The following HOXA7 variants were observed in gnomAD, a reference collection of about 807,000 sequenced individuals.
The protein encoded by HOXA7 is homeobox A7, also known as homeobox protein Hox-A7.
HOXA7 carries 16 observed loss-of-function variants against 16.8 expected under a neutral mutation model. That is an observed-to-expected ratio of 0.95 (90% CI 0.64 to 1.44). The LOEUF is 1.44. Ranked by LOEUF, HOXA7 falls within the 40% of genes most tolerant of loss-of-function variation. The probability of loss-of-function intolerance (pLI) is 0.00; values close to 1 mark genes in which losing one functional copy is unlikely to be tolerated. For missense variants in HOXA7, 379 were observed against 328.6 expected (o/e 1.15, Z -1.19); for synonymous variants, 169 against 144.3 (o/e 1.17, Z -1.23).
At position 27,156,623 on chromosome 7, in the gene HOXA7, AC is replaced by A; in HGVS notation, c.-79del. On this transcript the variant is annotated 5_prime_UTR_variant, in exon 1 of 2. The change abolishes the stop of an existing upstream ORF in the 5' untranslated region. Transcript: ENST00000242159. ...GTAGAGTGATATATGATAACATTAC[AC>A]CCCCAGATTTACACCAAACCCCATT... 6.9e-7 allele frequency: 1 copy of A among 1,438,866 alleles called. No individual in the cohort carries two copies. The highest frequency in any genetic ancestry group is 1.4e-5 in the South Asian group (1 of 72,272). The allele number at this position is 1,438,866 out of a possible 1,614,324, so 89.1% of individuals were successfully genotyped here.
rs779567620 is a variant in HOXA7 at position 27,156,184 on chromosome 7, G to T, written c.362C>A (p.Pro121His). The change falls in exon 1 of 2, where the codon CCC (proline) becomes CAC (histidine). Residue 121 changes from proline to histidine, a missense_variant. Coordinates refer to ENST00000242159, the MANE Select transcript of HOXA7 (RefSeq NM_006896.4). ...GAAEANFRIYPWMRSSGPDRK... is the reference protein window; with the variant it reads ...GAAEANFRIYHWMRSSGPDRK... ...GCGCCTACCTGAAGACCGCATCCAGGGGTAGATGCGGAAATTGGCCTCAGC... is the reference window on the plus strand; with the variant it reads ...GCGCCTACCTGAAGACCGCATCCAGTGGTAGATGCGGAAATTGGCCTCAGC... 1 of 1,577,074 alleles carries T rather than the reference G, an allele frequency of 6.3e-7. No homozygotes were observed.
Position 27,154,937 on chromosome 7 carries a change from T to C in HOXA7, c.665A>G (p.Asp222Gly). 6.2e-7 allele frequency: 1 copy of C among 1,612,050 alleles called. No homozygotes were observed. The highest frequency in any genetic ancestry group is 8.5e-7 in the Non-Finnish European group (1 of 1,178,430). The part of the protein sequence containing the change: ...AADKADEEDD[D>G]EEEEDEEE ...TTCCTCCTCGTCTTCCTCTTCTTCA[T>C]CATCGTCCTCCTCGTCGGCCTTGTC... Residue 222 changes from aspartate (D) to glycine (G), a missense_variant, in exon 2 of 2, where the codon GAT becomes GGT. Transcript: ENST00000242159.
In HOXA7 at chr7:27,154,987, G is replaced by GGGCAGGC. The variant is rs1783079021; in HGVS notation, c.614_615insGCCTGCC (p.Ser206ProfsTer19). The GGGCAGGC allele has an allele frequency of 6.2e-7, 1 of 1,613,684 alleles. No homozygotes were observed. The highest frequency in any genetic ancestry group is 8.5e-7 in the Non-Finnish European group (1 of 1,179,726). The stretch of plus-strand genomic sequence containing the variant: ...CCGCGGCAGCAGTGGCGGCGGCAGA[G>GGGCAGGC]GGCACGGCGCCCTCGGGAGCTGCGG... On this transcript the variant is annotated frameshift_variant, in exon 2 of 2. Coordinates refer to ENST00000242159, the MANE Select transcript of HOXA7 (RefSeq NM_006896.4). LOFTEE classifies it low-confidence loss of function (END_TRUNC).
At position 27,156,356 on chromosome 7, in the gene HOXA7, T is replaced by C; in HGVS notation, c.190A>G (p.Ser64Gly). ...AGGCCGTAGCCGGACGCAAAGGGGC[T>C]CTGATAAAGGGGGCTGTTGACATTG... ...LYNVNSPLYQ[S>G]PFASGYGLGA... is the part of the protein sequence containing the mutation. The change falls in exon 1 of 2, where the codon AGC becomes GGC. Residue 64 changes from serine to glycine, a missense_variant. Coordinates refer to ENST00000242159, the MANE Select transcript of HOXA7 (RefSeq NM_006896.4). 1.2e-6 allele frequency: 2 copies of C among 1,614,062 alleles called. No individual in the cohort carries two copies. Among genetic ancestry groups the C allele is most frequent in the Non-Finnish European group, 1.7e-6 (2 of 1,179,994 alleles).
chr7:27,155,036 T>C lies in HOXA7; in HGVS notation c.566A>G (p.His189Arg), dbSNP rs374828544. The change falls in exon 2 of 2, where the codon CAT (histidine) becomes CGT (arginine). Residue 189 changes from histidine to arginine, a missense_variant. By Grantham distance (29) the His-to-Arg change is conservative. Transcript: ENST00000242159. ...QNRRMKWKKE[H>R]KDEGPTAAAA... ...GGCGGCAGTCGGACCTTCGTCCTTA[T>C]GCTCTTTCTTCCACTTCATGCGGCG... is the stretch of plus-strand genomic sequence containing the variant. 6.2e-7 allele frequency: 1 copy of C among 1,614,234 alleles called. No individual in the cohort carries two copies. Among genetic ancestry groups the C allele is most frequent in the Non-Finnish European group, 8.5e-7 (1 of 1,180,042 alleles).
chr7:27,155,200 G>T lies in HOXA7; in HGVS notation c.402C>A (p.Arg134=). The T allele has an allele frequency of 6.2e-7, 1 of 1,614,200 alleles. No homozygotes were observed. Among genetic ancestry groups the T allele is most frequent in the Non-Finnish European group, 8.5e-7 (1 of 1,180,030 alleles). Residue 134 remains arginine (R), a synonymous_variant, in exon 2 of 2, where the codon CGC becomes CGA. Coordinates refer to ENST00000242159, the MANE Select transcript of HOXA7 (RefSeq NM_006896.4). ...RSSGPDRKRG[R]QTYTRYQTLE... ...GCGTCTGGTAGCGCGTGTAGGTCTG[G>T]CGGCCCCGCTTCCTGTCAGGTCCTG...
intron 1 of HOXA7, chr7:27,155,554 C>T (rs947007473): frequency 3.1e-6 from 1 of 317,964 alleles, no homozygotes; most frequent in Non-Finnish European, 5.8e-6. Flanking sequence ...AAGTGGGAAA[C>T]GCTGCACTTT....
Position 27,156,437 on chromosome 7 carries a change from T to G in HOXA7, c.109A>C (p.Arg37=). The part of the protein sequence containing the change: ...TSCSFAPNSQ[R]SGYGAGAGAF... ...CCGGCGCCCGCCCCGTAGCCGCTTC[T>G]CTGTGAGTTGGGAGCAAAGGAGCAA... Residue 37 remains arginine (R), a synonymous_variant, in exon 1 of 2, where the codon AGA becomes CGA. Transcript: ENST00000242159. 6.2e-7 allele frequency: 1 copy of G among 1,613,940 alleles called. No homozygotes were observed.
In HOXA7 at chr7:27,155,932, G is replaced by A. The variant is rs1783097988; in HGVS notation, c.379+235C>T. On this transcript the variant is annotated intron_variant, in intron 1 of 1. Transcript: ENST00000242159. The stretch of plus-strand genomic sequence containing the variant: ...TTACGAGGATCGAACCCATTAATTG[G>A]GCCATAAAAAGTTTTATGAGCCTCA... The A allele has an allele frequency of 1.5e-5, 6 of 402,080 alleles. No homozygotes were observed. In the South Asian group the frequency reaches 6.1e-4, roughly 41 times the overall value. The allele number at this position is 402,080 out of a possible 1,614,324, so 24.9% of individuals were successfully genotyped here. A position where few individuals can be genotyped will look rare whatever the true frequency, so the allele number is the denominator to read the frequency against.
rs979099678 is a variant in HOXA7 at position 27,156,460 on chromosome 7, C to A, written c.86G>T (p.Cys29Phe). ...TCTCTGTGAGTTGGGAGCAAAGGAG[C>A]AAGAAGTCGGCTCGGCATTTTGGAA... Reference protein sequence around the residue: ...SLFQNAEPTSCSFAPNSQRSG... With the variant: ...SLFQNAEPTSFSFAPNSQRSG... The change falls in exon 1 of 2, where the codon TGC becomes TTC. Residue 29 changes from cysteine to phenylalanine, a missense_variant. Cys to Phe is a radical substitution (Grantham distance 205). Coordinates refer to ENST00000242159, the MANE Select transcript of HOXA7 (RefSeq NM_006896.4). The A allele has an allele frequency of 1.2e-6, 2 of 1,613,088 alleles. No homozygotes were observed. The highest frequency in any genetic ancestry group is 2.7e-5 in the African/African-American group (2 of 74,904).
rs78410337 is a variant in HOXA7 at position 27,156,497 on chromosome 7, C to T, written c.49G>A (p.Gly17Arg). ...TCGGCATTTTGGAACAGAGAAGCCC[C>T]CGCCGTATATTTGCTAAAAAGCGCG... is the stretch of plus-strand genomic sequence containing the variant. ...VNALFSKYTA[G>R]ASLFQNAEPT... is the part of the protein sequence containing the mutation. The change falls in exon 1 of 2, where the codon GGG becomes AGG. Residue 17 changes from glycine (G) to arginine (R), a missense_variant. Gly to Arg is a moderately radical substitution (Grantham distance 125). Transcript: ENST00000242159. 0.012 allele frequency: 19,247 copies of T among 1,591,520 alleles called. 150 individuals carry two copies. Among genetic ancestry groups the T allele is most frequent in the Non-Finnish European group, 0.015 (17,429 of 1,166,130 alleles).
intron 1 of HOXA7, 76 bp downstream of exon 1, chr7:27,156,091 T>C (rs1391168497): frequency 2.9e-6 from 4 of 1,368,656 alleles, no homozygotes; most frequent in African/African-American, 1.5e-5. Flanking sequence ...CGCCCCGCGC[T>C]CCGCGCTCCC....
rs1353325802 is a variant in HOXA7 at position 27,156,582 on chromosome 7, G to C, written c.-37C>G. The C allele has an allele frequency of 6.5e-7, 1 of 1,539,928 alleles. No homozygotes were observed. Among genetic ancestry groups the C allele is most frequent in the South Asian group, 1.3e-5 (1 of 79,814 alleles). On this transcript the variant is annotated 5_prime_UTR_variant, in exon 1 of 2. Transcript: ENST00000242159. ...GTGATTTGTTGTCCGGCAGCTTTCAGTGTCGGTTTTACGAGGTAGAGTGAT... is the reference window on the plus strand; with the variant it reads ...GTGATTTGTTGTCCGGCAGCTTTCACTGTCGGTTTTACGAGGTAGAGTGAT...
At chr7:27,155,986 A>G in intron 1 of HOXA7, 181 bp downstream of exon 1, 2 of 664,218 alleles carry the variant, frequency 3.0e-6, no homozygotes, top group Non-Finnish European at 4.5e-6. Context: ...GGCTCCACGC[A>G]ATGGCGCCTC....
chr7:27,153,948 C>T lies in HOXA7; in HGVS notation c.*961G>A, dbSNP rs1783047867. The T allele has an allele frequency of 6.6e-6, 1 of 152,640 alleles. No individual in the cohort carries two copies. The highest frequency in any genetic ancestry group is 2.4e-5 in the African/African-American group (1 of 41,422). The allele number at this position is 152,640 out of a possible 1,614,324, so 9.5% of individuals were successfully genotyped here. A position where few individuals can be genotyped will look rare whatever the true frequency, so the allele number is the denominator to read the frequency against. ...CATCCTTTCCAAGTCAAGACACTGC[C>T]TTACAAATGAACTCCAAGACTATAG... On this transcript the variant is annotated 3_prime_UTR_variant, in exon 2 of 2. Coordinates refer to ENST00000242159, the MANE Select transcript of HOXA7 (RefSeq NM_006896.4).
Position 27,156,628 on chromosome 7 carries a change from C to A in HOXA7, c.-83G>T. The A allele has an allele frequency of 7.1e-7, 1 of 1,402,134 alleles. No homozygotes were observed. The highest frequency in any genetic ancestry group is 9.7e-7 in the Non-Finnish European group (1 of 1,031,570). 86.9% of individuals were successfully genotyped at this position (1,402,134 alleles called of 1,614,324 possible). A position where few individuals can be genotyped will look rare whatever the true frequency, so the allele number is the denominator to read the frequency against. ...GTGATATATGATAACATTACACCCC[C>A]AGATTTACACCAAACCCCATTTTCT... On this transcript the variant is annotated 5_prime_UTR_variant, in exon 1 of 2. Coordinates refer to ENST00000242159, the MANE Select transcript of HOXA7 (RefSeq NM_006896.4).
chr7:27,155,725 C>G (rs1368745379), intron 1 of HOXA7: 1 of 167,790 alleles, frequency 6.0e-6, no homozygotes, highest in African/African-American at 2.4e-5. Context: ...GGCACAGGGT[C>G]GGGTGAGAGG....
chr7:27,156,582 G>A lies in HOXA7; in HGVS notation c.-37C>T. On this transcript the variant is annotated 5_prime_UTR_variant, in exon 1 of 2. Coordinates refer to ENST00000242159, the MANE Select transcript of HOXA7 (RefSeq NM_006896.4). ...GTGATTTGTTGTCCGGCAGCTTTCA[G>A]TGTCGGTTTTACGAGGTAGAGTGAT... 1 of 1,539,928 alleles carries A rather than the reference G, an allele frequency of 6.5e-7. No individual in the cohort carries two copies. The highest frequency in any genetic ancestry group is 8.8e-7 in the Non-Finnish European group (1 of 1,141,168).
rs1290669522 is a variant in HOXA7 at position 27,156,667 on chromosome 7, C to T, written c.-122G>A. 3 of 1,091,014 alleles carry T rather than the reference C, an allele frequency of 2.7e-6. No homozygotes were observed. The highest frequency in any genetic ancestry group is 4.9e-5 in the East Asian group (2 of 40,832). 67.6% of individuals were successfully genotyped at this position (1,091,014 alleles called of 1,614,324 possible). A position where few individuals can be genotyped will look rare whatever the true frequency, so the allele number is the denominator to read the frequency against. ...ACCCCATTTTCTTTTGGACGGAGCT[C>T]GCCGCAGCACGTGACCGCCCACATG... On this transcript the variant is annotated 5_prime_UTR_variant, in exon 1 of 2. Transcript: ENST00000242159.
Sources: gnomAD v4.1 joint callset for allele counts on GRCh38, gnomAD v4.1.1 for gene constraint, MANE v1.5 for transcripts, NCBI Gene and HGNC (gene_info 2026-07-23, HGNC 2026-07-21) for gene names.